Variants in CTNND2 observed in about 807,000 individuals in gnomAD.
CTNND2 encodes catenin delta-2.
In CTNND2, 22 loss-of-function variants were observed where a neutral mutation model predicts 144.4. That is an observed-to-expected ratio of 0.15 (90% CI 0.11 to 0.22). CTNND2 has a LOEUF of 0.22. Among genes scored for constraint, CTNND2 ranks in the 10% least tolerant of loss-of-function variants. The pLI, the probability that CTNND2 is intolerant of heterozygous loss-of-function variation, is 1.00. For missense variants in CTNND2, 1,353 were observed against 1,618.8 expected (o/e 0.84, Z 2.82); for synonymous variants, 751 against 695.6 (o/e 1.08, Z -1.25).
At chr5:11,372,316 T>C (rs1757539219) in intron 7 of CTNND2, among the ~76,000 whole-genome samples, 6 of 152,234 alleles carry the variant, frequency 3.9e-5, no homozygotes, top group Admixed American at 3.3e-4. Flanking sequence ...CACAAGCATC[T>C]ATTCCCAAAC....
At chr5:10,994,654 C>G (rs1241356065) in intron 18 of CTNND2, among the ~76,000 whole-genome samples, 2 of 152,072 alleles carry the variant, frequency 1.3e-5, no homozygotes, top group Non-Finnish European at 2.9e-5. Flanking sequence ...CACAGAAGAA[C>G]AGATGTGAAG....
At chr5:11,393,687 C>A (rs894931783) in intron 6 of CTNND2, among the ~76,000 whole-genome samples, 1 of 152,120 alleles carries the variant, frequency 6.6e-6, no homozygotes, top group Non-Finnish European at 1.5e-5. Context: ...ATCTGGTGAA[C>A]CCTGGGTCAA....
chr5:11,121,841 T>C (rs553891039), intron 12 of CTNND2, among the ~76,000 whole-genome samples: 12 of 152,174 alleles, frequency 7.9e-5, no homozygotes, highest in Non-Finnish European at 1.6e-4. Context: ...AACCAAGGAA[T>C]GAGATATTGG....
At chr5:11,641,469 TTATG>T (rs1286866462) in intron 2 of CTNND2, among the ~76,000 whole-genome samples, 1 of 127,450 alleles carries the variant, frequency 7.8e-6, no homozygotes, top group South Asian at 2.4e-4. Flanking sequence ...ATATATCCTT[TTATG>T]TATGTATATG....
At chr5:11,231,979 C>T (rs1193053522) in intron 10 of CTNND2, among the ~76,000 whole-genome samples, 1 of 152,254 alleles carries the variant, frequency 6.6e-6, no homozygotes, top group Non-Finnish European at 1.5e-5. Flanking sequence ...GGCCAAGGTA[C>T]AGCTCAGGCC....
intron 9 of CTNND2, among the ~76,000 whole-genome samples, chr5:11,277,320 T>A (rs528518126): frequency 6.6e-6 from 1 of 152,066 alleles, no homozygotes; most frequent in East Asian, 1.9e-4. Flanking sequence ...AATTTTATAA[T>A]TCACATCATC....
chr5:11,404,854 C>A (rs971067493), intron 5 of CTNND2, among the ~76,000 whole-genome samples: 2 of 152,016 alleles, frequency 1.3e-5, no homozygotes, highest in African/African-American at 4.8e-5. Context: ...AAGTGATCTG[C>A]CTGCCTTGGC....
chr5:11,351,704 A>G (rs1755356831), intron 8 of CTNND2, among the ~76,000 whole-genome samples: 1 of 152,176 alleles, frequency 6.6e-6, no homozygotes, highest in East Asian at 1.9e-4. Context: ...GGGGAAATAC[A>G]AGGTAATGTT....
At chr5:11,623,337 T>C (rs915503233) in intron 2 of CTNND2, among the ~76,000 whole-genome samples, 6 of 152,036 alleles carry the variant, frequency 3.9e-5, no homozygotes, top group Non-Finnish European at 8.8e-5. Context: ...GGGAGTGGTT[T>C]CCCCCATACT....
chr5:11,433,379 C>G (rs1217748535), intron 3 of CTNND2, among the ~76,000 whole-genome samples: 2 of 152,132 alleles, frequency 1.3e-5, no homozygotes, highest in African/African-American at 4.8e-5. Context: ...ACTTGAATGA[C>G]TATTTTTAAA....
intron 2 of CTNND2, among the ~76,000 whole-genome samples, chr5:11,596,913 T>C (rs564820797): frequency 1.3e-5 from 2 of 152,328 alleles, no homozygotes; most frequent in South Asian, 4.1e-4. Flanking sequence ...AATCAATCTT[T>C]CATGAATTCT....
intron 12 of CTNND2, among the ~76,000 whole-genome samples, chr5:11,136,279 TTTTG>T (rs1303854610): frequency 2.6e-5 from 4 of 152,200 alleles, no homozygotes; most frequent in African/African-American, 7.2e-5. Flanking sequence ...TTAGCTTGTT[TTTTG>T]TTTGTTTTTT....
chr5:11,734,197 G>A (rs1388080714), intron 1 of CTNND2, among the ~76,000 whole-genome samples: 1 of 152,156 alleles, frequency 6.6e-6, no homozygotes, highest in African/African-American at 2.4e-5. Flanking sequence ...AATTTATGGT[G>A]TTTGGTTACT....
intron 16 of CTNND2, among the ~76,000 whole-genome samples, chr5:11,070,448 A>T (rs72729279): frequency 0.19 from 28,520 of 152,194 alleles, 3,157 homozygotes; most frequent in Non-Finnish European, 0.26. Flanking sequence ...CAATAAAAAA[A>T]TCTTAAACTG....
At chr5:10,995,563 C>G (rs562765740) in intron 18 of CTNND2, among the ~76,000 whole-genome samples, 52 of 152,222 alleles carry the variant, frequency 3.4e-4, no homozygotes, top group Admixed American at 2.4e-3. Context: ...AAGCCTTTGG[C>G]AAAGTTTTAT....
intron 7 of CTNND2, among the ~76,000 whole-genome samples, chr5:11,377,055 CT>C (rs35811459): frequency 0.025 from 3,631 of 146,412 alleles, 130 homozygotes; most frequent in African/African-American, 0.086. Flanking sequence ...TTTTTGTCTC[CT>C]TTTTTTTTTT....
intron 3 of CTNND2, among the ~76,000 whole-genome samples, chr5:11,478,868 G>A (rs558301113): frequency 6.6e-6 from 1 of 152,196 alleles, no homozygotes; most frequent in South Asian, 2.1e-4. Flanking sequence ...GACGTCAGAC[G>A]GCCACTGTAC....
intron 7 of CTNND2, among the ~76,000 whole-genome samples, chr5:11,371,197 T>G (rs555625142): frequency 2.0e-5 from 3 of 152,374 alleles, no homozygotes; most frequent in Admixed American, 6.5e-5. Flanking sequence ...TACTCTATGA[T>G]AGTTGATGGC....
At chr5:11,457,737 G>A (rs1181468249) in intron 3 of CTNND2, among the ~76,000 whole-genome samples, 1 of 152,182 alleles carries the variant, frequency 6.6e-6, no homozygotes, top group Non-Finnish European at 1.5e-5. Flanking sequence ...GGATCCAGCA[G>A]AGCAGATTTC....
Sources: gnomAD v4.1 joint callset for allele counts (sites outside exome capture counted in the v4.1 genomes callset) on GRCh38, gnomAD v4.1.1 for gene constraint, MANE v1.5 for transcripts, NCBI Gene and HGNC (gene_info 2026-07-23, HGNC 2026-07-21) for gene names.